The following RGS6 variants were observed in gnomAD, a reference collection of about 807,000 sequenced individuals.
RGS6 encodes the protein regulator of G-protein signaling 6.
RGS6 carries 30 observed loss-of-function variants against 78.5 expected under a neutral mutation model. The ratio of observed to expected loss-of-function variants is 0.38; its 90% CI spans 0.29 to 0.52. The LOEUF (loss-of-function observed/expected upper bound fraction) is 0.52, where lower values mean the gene tolerates loss of function less well. Ranked by LOEUF, RGS6 falls within the 20% of genes least tolerant of loss-of-function variation. The pLI, the probability that RGS6 is intolerant of heterozygous loss-of-function variation, is 0.85. For missense variants in RGS6, 495 were observed against 609.7 expected (o/e 0.81, Z 1.98); for synonymous variants, 206 against 206.0 (o/e 1.00, Z 0.00).
intron 1 of RGS6, among the ~76,000 whole-genome samples, chr14:71,943,999 A>G (rs945956863): frequency 3.3e-5 from 5 of 152,146 alleles, no homozygotes; most frequent in East Asian, 1.9e-4. Flanking sequence ...CTTCATATCC[A>G]TGATATAGTG....
In RGS6 at chr14:72,398,438, C is replaced by T. The variant is rs1187869274; in HGVS notation, c.184+46244C>T. ...TTTATTACATCTATTTGATTCTTCTCTCTTTTCTTCTTTATTAGTCTTGCT... is the reference window on the plus strand; with the variant it reads ...TTTATTACATCTATTTGATTCTTCTTTCTTTTCTTCTTTATTAGTCTTGCT... On this transcript the variant is annotated intron_variant, in intron 3 of 17. Coordinates refer to ENST00000553525, the MANE Select transcript of RGS6 (RefSeq NM_001204424.2). Among the ~76,000 whole-genome samples the T allele has an allele frequency of 2.7e-4, 41 of 152,214 alleles. 1 individual carries two copies. The South Asian group carries it at 7.3e-3, about 27-fold the overall frequency.
chr14:71,947,867 C>T lies in RGS6; in HGVS notation c.-21+14926C>T, dbSNP rs184206348. Among the ~76,000 whole-genome samples, 8 of 152,166 alleles carry T rather than the reference C, an allele frequency of 5.3e-5. No homozygotes were observed. In the East Asian group the frequency reaches 7.7e-4, roughly 15 times the overall value. On this transcript the variant is annotated intron_variant, in intron 1 of 17. Transcript: ENST00000553525. ...TTGGGTATATGAAGATGAACAGTGACGGATAAAACTAGAAGTGCAAGTTGA... is the reference window on the plus strand; with the variant it reads ...TTGGGTATATGAAGATGAACAGTGATGGATAAAACTAGAAGTGCAAGTTGA...
chr14:72,076,971 A>AT (rs1567157728), intron 2 of RGS6, among the ~76,000 whole-genome samples: 196 of 144,568 alleles, frequency 1.4e-3, no homozygotes, highest in African/African-American at 4.7e-3. Flanking sequence ...TATATATATA[A>AT]ATGTTATATA....
At chr14:72,546,552 G>A (rs1200448315) in intron 17 of RGS6, among the ~76,000 whole-genome samples, 1 of 152,166 alleles carries the variant, frequency 6.6e-6, no homozygotes, top group Non-Finnish European at 1.5e-5. Context: ...CAGCCAAAAT[G>A]CTCTCCCCAC....
intron 2 of RGS6, among the ~76,000 whole-genome samples, chr14:72,159,469 A>G (rs917609318): frequency 7.3e-5 from 11 of 151,620 alleles, no homozygotes; most frequent in East Asian, 1.9e-4. Context: ...CTCTCAGTCA[A>G]TTGTGATCTG....
intron 2 of RGS6, among the ~76,000 whole-genome samples, chr14:72,145,720 T>C (rs1335088865): frequency 6.6e-6 from 1 of 152,190 alleles, no homozygotes; most frequent in Non-Finnish European, 1.5e-5. Flanking sequence ...TGACCTCAAG[T>C]GATCCACCTG....
chr14:72,600,295 G>A, the RGS6 span, among the ~76,000 whole-genome samples: 5 of 151,938 alleles, frequency 3.3e-5, no homozygotes, highest in Admixed American at 1.3e-4. Flanking sequence ...CTCCCCAGGC[G>A]ATTCTGGGCT....
chr14:72,145,507 C>T (rs1194963860), intron 2 of RGS6, among the ~76,000 whole-genome samples: 2 of 152,164 alleles, frequency 1.3e-5, no homozygotes, highest in Non-Finnish European at 2.9e-5. Context: ...TCAATGGAGC[C>T]TCACTCTGTT....
At chr14:72,575,765 AC>A in the RGS6 span, among the ~76,000 whole-genome samples, 3 of 152,252 alleles carry the variant, frequency 2.0e-5, no homozygotes, top group Non-Finnish European at 4.4e-5. Context: ...AGGTGTCAAA[AC>A]ATCCATAATG....
chr14:72,616,529 A>G, the RGS6 span, among the ~76,000 whole-genome samples: 1 of 152,202 alleles, frequency 6.6e-6, no homozygotes, highest in Admixed American at 6.5e-5. Context: ...CATGGAAAAC[A>G]TCCGGAGTTC....
intron 1 of RGS6, among the ~76,000 whole-genome samples, chr14:71,942,301 T>C (rs1366698543): frequency 6.6e-6 from 1 of 152,196 alleles, no homozygotes; most frequent in Non-Finnish European, 1.5e-5. Context: ...ACTTCACCGT[T>C]ACCTCTCTCA....
intron 17 of RGS6, chr14:72,540,406 C>T (rs1346601378): frequency 1.4e-5 from 21 of 1,457,914 alleles, no homozygotes; most frequent in Middle Eastern, 3.6e-4. Flanking sequence ...CGGGGCTGTG[C>T]GGTTTGTGCA....
chr14:72,173,894 C>T (rs770262474), intron 2 of RGS6, among the ~76,000 whole-genome samples: 10 of 152,130 alleles, frequency 6.6e-5, no homozygotes, highest in Non-Finnish European at 1.2e-4. Context: ...CAGAGTGATT[C>T]GAGAGGATGC....
the RGS6 span, among the ~76,000 whole-genome samples, chr14:71,875,120 C>A: frequency 6.6e-6 from 1 of 152,230 alleles, no homozygotes; most frequent in East Asian, 1.9e-4. Flanking sequence ...TTTGTTGTCT[C>A]TCTACCAGGC....
intron 17 of RGS6, chr14:72,547,459 A>C: frequency 1.3e-6 from 1 of 782,480 alleles, no homozygotes; most frequent in Non-Finnish European, 2.1e-6. Flanking sequence ...AATAGTGATG[A>C]GTGTCCCTGG....
chr14:72,149,814 T>C (rs1256010231), intron 2 of RGS6, among the ~76,000 whole-genome samples: 1 of 152,178 alleles, frequency 6.6e-6, no homozygotes, highest in Non-Finnish European at 1.5e-5. Context: ...TATTCAAATG[T>C]CTTTAGTTGG....
intron 3 of RGS6, among the ~76,000 whole-genome samples, chr14:72,436,743 G>A (rs2094930019): frequency 6.6e-6 from 1 of 152,136 alleles, no homozygotes; most frequent in Admixed American, 6.5e-5. Flanking sequence ...GTCAGAGGTG[G>A]ACCTAAAAAG....
At chr14:72,590,109 A>G in the RGS6 span, among the ~76,000 whole-genome samples, 1 of 152,186 alleles carries the variant, frequency 6.6e-6, no homozygotes, top group African/African-American at 2.4e-5. Context: ...CACCCACTAG[A>G]ATGTCTAAAA....
At chr14:72,223,772 G>A (rs187849088) in intron 2 of RGS6, among the ~76,000 whole-genome samples, 121 of 152,270 alleles carry the variant, frequency 7.9e-4, no homozygotes, top group African/African-American at 2.8e-3. Context: ...GGTTCCATTC[G>A]GTCATTGTTA....
Sources: gnomAD v4.1 joint callset for allele counts (sites outside exome capture counted in the v4.1 genomes callset) on GRCh38, gnomAD v4.1.1 for gene constraint, MANE v1.5 for transcripts, NCBI Gene and HGNC (gene_info 2026-07-23, HGNC 2026-07-21) for gene names.